The following TTC39C variants were observed in gnomAD, a reference collection of about 807,000 sequenced individuals.
TTC39C encodes the protein tetratricopeptide repeat domain 39C, also known as tetratricopeptide repeat protein 39C.
Under a neutral mutation model 76.3 loss-of-function variants are expected in TTC39C, and 33 were observed. The ratio of observed to expected loss-of-function variants is 0.43; its 90% CI spans 0.33 to 0.58. The LOEUF (loss-of-function observed/expected upper bound fraction) is 0.58, where lower values mean the gene tolerates loss of function less well. TTC39C is among the 20% of genes least tolerant of loss of function. The pLI is 0.04. For synonymous variants in TTC39C, 254 were observed against 260.6 expected, an observed-to-expected ratio of 0.97 and a Z score of 0.24; for missense variants, 595 against 701.4, an observed-to-expected ratio of 0.85 and a Z score of 1.71.
chr18:24,059,687 T>C (rs1289552207), intron 1 of TTC39C, among the ~76,000 whole-genome samples: 1 of 152,262 alleles, frequency 6.6e-6, no homozygotes, highest in African/African-American at 2.4e-5. Flanking sequence ...CATGTGCATG[T>C]GTCTTTAGAA....
At chr18:24,086,263 C>T (rs1360257565) in intron 6 of TTC39C, among the ~76,000 whole-genome samples, 1 of 152,138 alleles carries the variant, frequency 6.6e-6, no homozygotes, top group Non-Finnish European at 1.5e-5. Flanking sequence ...TCTTCAGTGA[C>T]TCAGAATCTG....
intron 6 of TTC39C, among the ~76,000 whole-genome samples, chr18:24,099,005 A>ATGTGTGTGTGTGTGTGTGTG (rs71373362): frequency 9.2e-5 from 12 of 130,720 alleles, no homozygotes; most frequent in Non-Finnish European, 1.8e-4. Flanking sequence ...AGTTAGAGGA[A>ATGTGTGTGTGTGTGTGTGTG]TGTGTGTGTG....
At chr18:24,108,792 G>A (rs1187297879) in intron 6 of TTC39C, among the ~76,000 whole-genome samples, 1 of 152,134 alleles carries the variant, frequency 6.6e-6, no homozygotes, top group Non-Finnish European at 1.5e-5. Context: ...TGGATATTAG[G>A]CAAGAGTACA....
intron 6 of TTC39C, among the ~76,000 whole-genome samples, chr18:24,089,150 G>A (rs557202524): frequency 2.4e-4 from 37 of 152,276 alleles, no homozygotes; most frequent in African/African-American, 7.7e-4. Flanking sequence ...GACCCCGGGG[G>A]ATCATGGAGA....
intron 1 of TTC39C, among the ~76,000 whole-genome samples, chr18:24,005,697 T>A (rs1030849029): frequency 1.5e-4 from 22 of 149,980 alleles, no homozygotes; most frequent in African/African-American, 4.9e-4. Flanking sequence ...AAAAAAAAAT[T>A]AAAAATAAAA....
chr18:24,000,305 C>T (rs2083302099), intron 1 of TTC39C: 1 of 152,072 alleles, frequency 6.6e-6, no homozygotes, highest in South Asian at 2.1e-4. Context: ...AACTGCAGTC[C>T]TTATAAGAAG....
chr18:24,033,322 A>G (rs1287388216), intron 1 of TTC39C, among the ~76,000 whole-genome samples: 1 of 152,148 alleles, frequency 6.6e-6, no homozygotes, highest in Non-Finnish European at 1.5e-5. Flanking sequence ...CTTGTCTTCC[A>G]TTGCTGTGTT....
intron 1 of TTC39C, among the ~76,000 whole-genome samples, chr18:23,997,315 C>G (rs1454334744): frequency 6.6e-6 from 1 of 151,906 alleles, no homozygotes; most frequent in Non-Finnish European, 1.5e-5. Context: ...CTTTGGGAGG[C>G]CAAGGCAGGT....
intron 1 of TTC39C, among the ~76,000 whole-genome samples, chr18:24,031,905 G>A (rs1017856690): frequency 2.6e-5 from 4 of 152,108 alleles, no homozygotes; most frequent in Non-Finnish European, 5.9e-5. Context: ...TGAGATGGGG[G>A]ATTATCCCGG....
chr18:24,056,425 A>T (rs2084017853), intron 1 of TTC39C, among the ~76,000 whole-genome samples: 1 of 152,214 alleles, frequency 6.6e-6, no homozygotes, highest in Non-Finnish European at 1.5e-5. Context: ...AAAGACAAAA[A>T]AATTCCAGCT....
chr18:24,042,534 C>G (rs2083808362), intron 1 of TTC39C, among the ~76,000 whole-genome samples: 1 of 152,170 alleles, frequency 6.6e-6, no homozygotes, highest in East Asian at 1.9e-4. Flanking sequence ...GGCCCAGTTC[C>G]TAACAGGCCA....
At position 24,106,245 on chromosome 18, in the gene TTC39C, G is replaced by A. The variant is rs117489310; in HGVS notation, c.985-8309G>A. 6.2e-3 allele frequency among the ~76,000 whole-genome samples: 942 copies of A among 152,256 alleles called. 17 individuals carry two copies. The highest frequency in any genetic ancestry group is 0.051 in the Admixed American group (776 of 15,276). ...AGTGTCTCCCCACAGGCAACTGGGC[G>A]TTTCTCTCCCTTTTTATGCAGATGC... is the stretch of plus-strand genomic sequence containing the variant. On this transcript the variant is annotated intron_variant, in intron 6 of 13. Coordinates refer to ENST00000317571, the MANE Select transcript of TTC39C (RefSeq NM_001135993.2).
intron 7 of TTC39C, among the ~76,000 whole-genome samples, chr18:24,117,701 CAAAAAAAAAGAAAAAA>C (rs1031784128): frequency 3.8e-4 from 41 of 106,576 alleles, no homozygotes; most frequent in African/African-American, 1.4e-3. Flanking sequence ...GACTCCTTCT[CAAAAAAAAAGAAAAAA>C]AAAAAAAAAG....
chr18:24,028,823 A>C (rs975514149), intron 1 of TTC39C, among the ~76,000 whole-genome samples: 2 of 151,404 alleles, frequency 1.3e-5, no homozygotes, highest in African/African-American at 4.9e-5. Flanking sequence ...CCCGGGTTCA[A>C]GCAATTCTCC....
chr18:24,079,986 G>A lies in TTC39C; in HGVS notation c.461-599G>A, dbSNP rs554523802. Among the ~76,000 whole-genome samples, 11 of 151,948 alleles carry A rather than the reference G, an allele frequency of 7.2e-5. 1 individual carries two copies. The South Asian group carries it at 2.1e-3, about 29-fold the overall frequency. On this transcript the variant is annotated intron_variant, in intron 4 of 13. Transcript: ENST00000317571. ...CTGGCTAAATTTTGTATTTTTTATAGAGATGAGATTTCTCCATGTTGCTCA... is the reference window on the plus strand; with the variant it reads ...CTGGCTAAATTTTGTATTTTTTATAAAGATGAGATTTCTCCATGTTGCTCA...
At chr18:24,112,692 G>T (rs944140100) in intron 6 of TTC39C, among the ~76,000 whole-genome samples, 2 of 152,108 alleles carry the variant, frequency 1.3e-5, no homozygotes, top group African/African-American at 4.8e-5. Context: ...TGGGGGACAC[G>T]GGGGGGAACA....
intron 11 of TTC39C, among the ~76,000 whole-genome samples, chr18:24,129,921 TG>T (rs1471973951): frequency 2.0e-5 from 3 of 152,230 alleles, no homozygotes; most frequent in Non-Finnish European, 4.4e-5. Flanking sequence ...TTAGATCAAA[TG>T]CTTATGTGCT....
chr18:24,077,341 C>T (rs1599303096), intron 4 of TTC39C: 2 of 152,180 alleles, frequency 1.3e-5, no homozygotes, highest in East Asian at 1.9e-4. Flanking sequence ...AGTGTTCTTC[C>T]GAAATCCTGC....
intron 6 of TTC39C, among the ~76,000 whole-genome samples, chr18:24,086,850 G>A (rs2084445795): frequency 6.6e-6 from 1 of 152,152 alleles, no homozygotes. Flanking sequence ...AAGTAAGGGT[G>A]TGATGGTGTT....
Sources: gnomAD v4.1 joint callset for allele counts (sites outside exome capture counted in the v4.1 genomes callset) on GRCh38, gnomAD v4.1.1 for gene constraint, MANE v1.5 for transcripts, NCBI Gene and HGNC (gene_info 2026-07-23, HGNC 2026-07-21) for gene names.